Variants in TSHZ2 observed in about 807,000 individuals in gnomAD.
TSHZ2 encodes teashirt homolog 2.
In TSHZ2, 21 loss-of-function variants were observed where a neutral mutation model predicts 74.4. That is an observed-to-expected ratio of 0.28 (90% CI 0.20 to 0.41). The LOEUF (loss-of-function observed/expected upper bound fraction) is 0.41, where lower values mean the gene tolerates loss of function less well. Among genes scored for constraint, TSHZ2 ranks in the 10% least tolerant of loss-of-function variants. The pLI, the probability that TSHZ2 is intolerant of heterozygous loss-of-function variation, is 1.00. For synonymous variants in TSHZ2, 540 were observed against 515.3 expected, an observed-to-expected ratio of 1.05 and a Z score of -0.65; for missense variants, 1,244 against 1,293.5, an observed-to-expected ratio of 0.96 and a Z score of 0.59.
At chr20:53,274,549 C>A (rs139547781) in intron 2 of TSHZ2, among the ~76,000 whole-genome samples, 7 of 152,146 alleles carry the variant, frequency 4.6e-5, no homozygotes, top group Admixed American at 4.6e-4. Flanking sequence ...TGAAATCTTG[C>A]GTAATTATTC....
chr20:53,169,117 A>G (rs1204348931), intron 1 of TSHZ2, among the ~76,000 whole-genome samples: 1 of 152,206 alleles, frequency 6.6e-6, no homozygotes, highest in Non-Finnish European at 1.5e-5. Flanking sequence ...TACTTGCTCC[A>G]GGTAAGTGGG....
At position 53,490,787 on chromosome 20, in the gene TSHZ2, G is replaced by A. The variant is rs1253352250; in HGVS notation, c.*3652G>A. The A allele has an allele frequency of 6.6e-6, 1 of 152,232 alleles. No individual in the cohort carries two copies. Among genetic ancestry groups the A allele is most frequent in the South Asian group, 2.1e-4 (1 of 4,836 alleles). 9.4% of individuals were successfully genotyped at this position (152,232 alleles called of 1,614,324 possible). ...AACTCCGGTTAAGTGGTGAGGAGGG[G>A]TGTGTGAAGACAGTGTGCATGCATG... On this transcript the variant is annotated 3_prime_UTR_variant, in exon 3 of 3. Coordinates refer to ENST00000371497, the MANE Select transcript of TSHZ2 (RefSeq NM_173485.6).
At position 53,237,710 on chromosome 20, in the gene TSHZ2, T is replaced by G. The variant is rs548681176; in HGVS notation, c.41-15789T>G. Among the ~76,000 whole-genome samples, 4 of 152,304 alleles carry G rather than the reference T, an allele frequency of 2.6e-5. No individual in the cohort carries two copies. In the East Asian group the frequency reaches 7.7e-4, roughly 29 times the overall value. ...TGATGTGATTTATCATGTTATTATA[T>G]ATTTAGAGACATTTTGAAAATGCTG... is the stretch of plus-strand genomic sequence containing the variant. On this transcript the variant is annotated intron_variant, in intron 1 of 2. Transcript: ENST00000371497.
intron 2 of TSHZ2, among the ~76,000 whole-genome samples, chr20:53,331,262 G>A (rs968588183): frequency 6.6e-6 from 1 of 152,182 alleles, no homozygotes; most frequent in East Asian, 1.9e-4. Flanking sequence ...TGTGGTCTGA[G>A]AAATTTATAG....
chr20:53,388,543 A>G (rs1440384277), intron 2 of TSHZ2, among the ~76,000 whole-genome samples: 1 of 151,998 alleles, frequency 6.6e-6, no homozygotes, highest in African/African-American at 2.4e-5. Flanking sequence ...ATGCCAGTTG[A>G]ACATACTCAC....
intron 2 of TSHZ2, among the ~76,000 whole-genome samples, chr20:53,393,167 C>T (rs947701464): frequency 1.3e-5 from 2 of 152,184 alleles, no homozygotes; most frequent in East Asian, 1.9e-4. Flanking sequence ...CTCCTATCCT[C>T]CACCCTCAAA....
chr20:53,439,605 C>A (rs569413001), intron 2 of TSHZ2, among the ~76,000 whole-genome samples: 2 of 152,308 alleles, frequency 1.3e-5, no homozygotes, highest in East Asian at 3.9e-4. Flanking sequence ...GATTCTCACC[C>A]AGAGTGAAGA....
Position 53,158,061 on chromosome 20 carries a change from A to G in TSHZ2, c.41-95438A>G, listed in dbSNP as rs116711653. On this transcript the variant is annotated intron_variant, in intron 1 of 2. Transcript: ENST00000371497. Reference sequence around the variant, plus strand: ...AAGGAAGATCTCATTTGAGGAGGCGATATTTGAACAAGATCTGAATGAAGT... The same window carrying G: ...AAGGAAGATCTCATTTGAGGAGGCGGTATTTGAACAAGATCTGAATGAAGT... Among the ~76,000 whole-genome samples the G allele has an allele frequency of 4.1e-3, 625 of 152,212 alleles. 6 individuals carry two copies. The highest frequency in any genetic ancestry group is 0.014 in the African/African-American group (601 of 41,532).
chr20:53,203,959 C>A (rs1443268425), intron 1 of TSHZ2, among the ~76,000 whole-genome samples: 1 of 151,708 alleles, frequency 6.6e-6, no homozygotes, highest in Non-Finnish European at 1.5e-5. Context: ...GTATAAAACA[C>A]ACTGAACTTG....
chr20:53,446,044 C>T (rs972437855), intron 2 of TSHZ2, among the ~76,000 whole-genome samples: 1 of 152,130 alleles, frequency 6.6e-6, no homozygotes, highest in Non-Finnish European at 1.5e-5. Context: ...GTACTTTACC[C>T]GCTCTGTATT....
rs1187920412 is a variant in TSHZ2 at position 52,973,348 on chromosome 20, T to A, written c.40+15T>A. 1 of 1,551,208 alleles carries A rather than the reference T, an allele frequency of 6.4e-7. No individual in the cohort carries two copies. Among genetic ancestry groups the A allele is most frequent in the Non-Finnish European group, 8.7e-7 (1 of 1,146,816 alleles). ...GCGGGCGGCAGGTAAGAGAAACGGC[T>A]CCGCTTCGGGGCTGCCCTGTGCGCC... On this transcript the variant is annotated intron_variant, in intron 1 of 2. Coordinates refer to ENST00000371497, the MANE Select transcript of TSHZ2 (RefSeq NM_173485.6).
chr20:53,345,413 A>G (rs566433099), intron 2 of TSHZ2, among the ~76,000 whole-genome samples: 1 of 152,212 alleles, frequency 6.6e-6, no homozygotes, highest in South Asian at 2.1e-4. Context: ...CACACAGAGG[A>G]CTTGTCTGGT....
chr20:52,985,158 G>C (rs1981708164), intron 1 of TSHZ2, among the ~76,000 whole-genome samples: 2 of 151,926 alleles, frequency 1.3e-5, no homozygotes, highest in African/African-American at 4.8e-5. Context: ...CAGTCACTAG[G>C]CAAGAGGATG....
chr20:53,442,727 C>T (rs1181312485), intron 2 of TSHZ2, among the ~76,000 whole-genome samples: 6 of 152,192 alleles, frequency 3.9e-5, no homozygotes, highest in Non-Finnish European at 8.8e-5. Context: ...ATATTGCCGG[C>T]ATTTAGGCCT....
chr20:53,150,349 G>A (rs1017957424), intron 1 of TSHZ2, among the ~76,000 whole-genome samples: 1 of 152,262 alleles, frequency 6.6e-6, no homozygotes, highest in East Asian at 1.9e-4. Context: ...TAACAATTTA[G>A]TGATGATGCA....
At chr20:53,129,873 T>C (rs955857197) in intron 1 of TSHZ2, among the ~76,000 whole-genome samples, 4 of 151,884 alleles carry the variant, frequency 2.6e-5, no homozygotes, top group African/African-American at 9.7e-5. Context: ...AAATTCCTGA[T>C]CTGATTCACC....
chr20:53,467,953 A>C (rs1475564347), intron 2 of TSHZ2, among the ~76,000 whole-genome samples: 2 of 152,194 alleles, frequency 1.3e-5, no homozygotes, highest in Non-Finnish European at 2.9e-5. Context: ...AGACGACAGG[A>C]GGTTCCCGTG....
In TSHZ2 at chr20:53,255,748, C is replaced by A; in HGVS notation, c.2290C>A (p.Pro764Thr). 1 of 1,613,852 alleles carries A rather than the reference C, an allele frequency of 6.2e-7. No individual in the cohort carries two copies. Among genetic ancestry groups the A allele is most frequent in the Non-Finnish European group, 8.5e-7 (1 of 1,179,882 alleles). Residue 764 changes from proline to threonine, a missense_variant, in exon 2 of 3, where the codon CCC becomes ACC. Coordinates refer to ENST00000371497, the MANE Select transcript of TSHZ2 (RefSeq NM_173485.6). The surrounding 1 kb of genome is among the most constrained non-coding windows in gnomAD (Gnocchi z 4.1). ...RRYLFENSDQPIDLTKSKSKK... is the reference protein window; with the variant it reads ...RRYLFENSDQTIDLTKSKSKK... Reference sequence around the variant, plus strand: ...CTACCTGTTTGAGAACAGCGATCAGCCCATTGACCTGACCAAGTCCAAAAG... The same window carrying A: ...CTACCTGTTTGAGAACAGCGATCAGACCATTGACCTGACCAAGTCCAAAAG...
At chr20:53,014,065 G>T (rs934299093) in intron 1 of TSHZ2, among the ~76,000 whole-genome samples, 1 of 152,148 alleles carries the variant, frequency 6.6e-6, no homozygotes, top group East Asian at 1.9e-4. Context: ...TGGGTGGGTG[G>T]CTTAAATGAC....
Sources: gnomAD v4.1 joint callset for allele counts (sites outside exome capture counted in the v4.1 genomes callset) on GRCh38, gnomAD v4.1.1 for gene constraint, Gnocchi (gnomAD v3.1) non-coding constraint, MANE v1.5 for transcripts, NCBI Gene and HGNC (gene_info 2026-07-23, HGNC 2026-07-21) for gene names.